Variants in GAS2L3 observed in about 807,000 individuals in gnomAD.
The protein encoded by GAS2L3 is GAS2-like protein 3.
Under a neutral mutation model 37.0 loss-of-function variants are expected in GAS2L3, and 28 were observed. The ratio of observed to expected loss-of-function variants is 0.76; its 90% CI spans 0.56 to 1.04. The LOEUF (loss-of-function observed/expected upper bound fraction) is 1.04, where lower values mean the gene tolerates loss of function less well. GAS2L3 is among the 50% of genes least tolerant of loss of function. GAS2L3 has a pLI of 0.00. For missense variants in GAS2L3, 793 were observed against 817.6 expected, an observed-to-expected ratio of 0.97 and a Z score of 0.37; for synonymous variants, 290 against 296.6, an observed-to-expected ratio of 0.98 and a Z score of 0.23.
chr12:100,606,301 A>G (rs1956056501), intron 5 of GAS2L3, among the ~76,000 whole-genome samples: 3 of 152,074 alleles, frequency 2.0e-5, no homozygotes, highest in African/African-American at 7.2e-5. Flanking sequence ...TGATATAAAT[A>G]TAGCTACTAC....
rs142945260 is a variant in GAS2L3, at chr12:100,580,473, G to T, written c.-152+6688G>T. Among the ~76,000 whole-genome samples, 671 of 152,226 alleles carry T rather than the reference G, an allele frequency of 4.4e-3. 6 individuals carry two copies. Among genetic ancestry groups the T allele is most frequent in the African/African-American group, 0.015 (623 of 41,550 alleles). ...TTTTCAGACTACTGAAATCCCTGTA[G>T]CAGAGATGTTTTAACATTATATTTT... is the stretch of plus-strand genomic sequence containing the variant. On this transcript the variant is annotated intron_variant, in intron 1 of 9. Transcript: ENST00000547754.
chr12:100,607,569 T>G (rs1043209783), intron 5 of GAS2L3, among the ~76,000 whole-genome samples: 1 of 152,150 alleles, frequency 6.6e-6, no homozygotes, highest in Non-Finnish European at 1.5e-5. Flanking sequence ...AGGTTTACCC[T>G]TTTGAGGCTA....
At chr12:100,610,724 A>G (rs1311580431) in intron 5 of GAS2L3, among the ~76,000 whole-genome samples, 1 of 152,206 alleles carries the variant, frequency 6.6e-6, no homozygotes, top group African/African-American at 2.4e-5. Flanking sequence ...AACAAAGATC[A>G]TATTCATGAA....
chr12:100,587,227 T>C (rs1290479479), intron 1 of GAS2L3, among the ~76,000 whole-genome samples: 1 of 152,216 alleles, frequency 6.6e-6, no homozygotes, highest in East Asian at 1.9e-4. Flanking sequence ...ACTCATTCTA[T>C]GTAGCCAGCA....
intron 1 of GAS2L3, chr12:100,578,643 C>T (rs978554772): frequency 2.6e-5 from 7 of 272,478 alleles, no homozygotes; most frequent in South Asian, 9.5e-5. Context: ...TGGCGGCAGC[C>T]GTGGGAGGTC....
At chr12:100,589,315 A>G (rs1342257922) in intron 1 of GAS2L3, among the ~76,000 whole-genome samples, 1 of 149,960 alleles carries the variant, frequency 6.7e-6, no homozygotes, top group Non-Finnish European at 1.5e-5. Flanking sequence ...CAAATCAAGA[A>G]CTCAACCCCT....
intron 1 of GAS2L3, among the ~76,000 whole-genome samples, chr12:100,576,373 T>C (rs1417794219): frequency 6.6e-6 from 1 of 152,240 alleles, no homozygotes; most frequent in Non-Finnish European, 1.5e-5. Context: ...AAACTTAATA[T>C]GTATTCTTAT....
chr12:100,588,644 C>G (rs1023134508), intron 1 of GAS2L3, among the ~76,000 whole-genome samples: 1 of 152,134 alleles, frequency 6.6e-6, no homozygotes, highest in Non-Finnish European at 1.5e-5. Flanking sequence ...TTTTCCCACC[C>G]TAGTAAGCCT....
intron 2 of GAS2L3, among the ~76,000 whole-genome samples, chr12:100,592,716 A>G (rs185620543): frequency 1.5e-3 from 228 of 152,236 alleles, no homozygotes; most frequent in Non-Finnish European, 2.3e-3. Context: ...TGTATGATCT[A>G]TGCATAAGAG....
chr12:100,613,530 A>G (rs572443464), intron 6 of GAS2L3, among the ~76,000 whole-genome samples: 2 of 152,226 alleles, frequency 1.3e-5, no homozygotes, highest in South Asian at 2.1e-4. Context: ...GCTTTGAAAG[A>G]GTATACTTTG....
At chr12:100,582,411 C>T (rs772816641) in intron 1 of GAS2L3, among the ~76,000 whole-genome samples, 6 of 152,186 alleles carry the variant, frequency 3.9e-5, no homozygotes, top group Admixed American at 2.6e-4. Flanking sequence ...TGGATGTATA[C>T]GTGCAGGTCA....
At chr12:100,592,586 A>C (rs1955859724) in intron 2 of GAS2L3, 1 of 152,138 alleles carries the variant, frequency 6.6e-6, no homozygotes, top group Non-Finnish European at 1.5e-5. Flanking sequence ...GACTTTTTAA[A>C]AATTTTTAAA....
intron 1 of GAS2L3, among the ~76,000 whole-genome samples, chr12:100,588,328 G>T (rs11534826): frequency 2.6e-5 from 4 of 152,054 alleles, no homozygotes; most frequent in African/African-American, 9.7e-5. Context: ...ATCACATATC[G>T]GTAGGCCTGT....
At chr12:100,613,785 T>A (rs975969770) in intron 6 of GAS2L3, among the ~76,000 whole-genome samples, 1 of 151,806 alleles carries the variant, frequency 6.6e-6, no homozygotes, top group African/African-American at 2.4e-5. Context: ...TAGTAGAGGC[T>A]GGGTTACACC....
intron 1 of GAS2L3, among the ~76,000 whole-genome samples, chr12:100,583,762 C>T (rs1240650802): frequency 6.6e-6 from 1 of 152,136 alleles, no homozygotes; most frequent in Non-Finnish European, 1.5e-5. Flanking sequence ...TGCCACCGCA[C>T]CCAGCCGTCA....
At chr12:100,617,613 C>A in intron 6 of GAS2L3, 131 bp from the exon 7 acceptor site, 1 of 614,758 alleles carries the variant, frequency 1.6e-6, no homozygotes, top group Non-Finnish European at 2.9e-6. Flanking sequence ...AGTGTCTTTT[C>A]TTCATTTTTT....
intron 2 of GAS2L3, among the ~76,000 whole-genome samples, chr12:100,594,350 G>A (rs1167324905): frequency 6.6e-6 from 1 of 151,902 alleles, no homozygotes; most frequent in African/African-American, 2.4e-5. Context: ...ATTATGGGGA[G>A]GCATTGAGCA....
rs780508152 is a variant in GAS2L3, at chr12:100,624,650, C to T, written c.1845C>T (p.Ile615=). 9.3e-6 allele frequency: 15 copies of T among 1,613,990 alleles called. No individual in the cohort carries two copies. The highest frequency in any genetic ancestry group is 6.7e-5 in the African/African-American group (5 of 74,922). ...CTCCTGGCCGTACCCCACTGTCCAT[C>T]GTGAGCCTACCCCAGTCTTCTACCA... ...LKSPGRTPLS[I]VSLPQSSTKT... is the part of the protein sequence containing the mutation. The change falls in exon 10 of 10, where the codon ATC becomes ATT. Residue 615 remains isoleucine (I), a synonymous_variant. Coordinates refer to ENST00000547754, the MANE Select transcript of GAS2L3 (RefSeq NM_174942.3).
chr12:100,610,549 G>T (rs1956114659), intron 5 of GAS2L3, among the ~76,000 whole-genome samples: 1 of 147,964 alleles, frequency 6.8e-6, no homozygotes. Flanking sequence ...TGTCTATTCT[G>T]TATTCAATGA....
Sources: gnomAD v4.1 joint callset for allele counts (sites outside exome capture counted in the v4.1 genomes callset) on GRCh38, gnomAD v4.1.1 for gene constraint, MANE v1.5 for transcripts, NCBI Gene and HGNC (gene_info 2026-07-23, HGNC 2026-07-21) for gene names.